ACAD10: variants seen among roughly 807,000 people sequenced by gnomAD.
The protein encoded by ACAD10 is ACAD-10.
ACAD10 carries 112 observed loss-of-function variants against 116.8 expected under a neutral mutation model. That is an observed-to-expected ratio of 0.96 (90% confidence interval 0.82 to 1.12). ACAD10 has a LOEUF of 1.12. Among genes scored for constraint, ACAD10 ranks in the 50% most tolerant of loss-of-function variants. The pLI, the probability that ACAD10 is intolerant of heterozygous loss-of-function variation, is 0.00. For missense variants in ACAD10, 1,259 were observed against 1,350.2 expected, an observed-to-expected ratio of 0.93 and a Z score of 1.06; for synonymous variants, 486 against 510.6, an observed-to-expected ratio of 0.95 and a Z score of 0.65.
At chr12:111,711,468 C>G (rs1888683882) in intron 5 of ACAD10, among the ~76,000 whole-genome samples, 1 of 152,024 alleles carries the variant, frequency 6.6e-6, no homozygotes, top group Non-Finnish European at 1.5e-5. Context: ...CTCGGCCTCC[C>G]AAAGTACTGG....
rs142874051 is a variant in ACAD10, at chr12:111,697,847, G to C, written c.188-4315G>C. ...GGTCCGCCCGCCTTGGCCTCCCAAA[G>C]TGCTGGGATTATAGGTGTAAGCCAC... On this transcript the variant is annotated intron_variant, in intron 2 of 20. Transcript: ENST00000313698. 6.1e-3 allele frequency among the ~76,000 whole-genome samples: 928 copies of C among 151,658 alleles called. 11 individuals are homozygous for C. The highest frequency in any genetic ancestry group is 0.021 in the African/African-American group (875 of 41,358).
intron 1 of ACAD10, chr12:111,688,248 A>G (rs1887937798): frequency 6.6e-6 from 1 of 152,192 alleles, no homozygotes; most frequent in Non-Finnish European, 1.5e-5. Context: ...TATCATAAAC[A>G]TTGGCCTTGG....
At chr12:111,730,777 C>T (rs1404653723) in intron 10 of ACAD10, among the ~76,000 whole-genome samples, 5 of 145,020 alleles carry the variant, frequency 3.4e-5, no homozygotes, top group Admixed American at 2.1e-4. Flanking sequence ...TTTTAGACAT[C>T]GTCTCACTCA....
At chr12:111,692,565 T>G in intron 1 of ACAD10, 132 bp from the exon 2 acceptor site, 1 of 847,630 alleles carries the variant, frequency 1.2e-6, no homozygotes, top group Non-Finnish European at 1.8e-6. Flanking sequence ...CTGAGGTCAG[T>G]TGTGGGTGTG....
At chr12:111,732,284 A>C (rs1450193860) in intron 10 of ACAD10, among the ~76,000 whole-genome samples, 2 of 152,228 alleles carry the variant, frequency 1.3e-5, no homozygotes, top group African/African-American at 4.8e-5. Flanking sequence ...CTATTTAGTG[A>C]GTAAAATAAA....
chr12:111,704,162 GAC>G (rs1298988104), intron 3 of ACAD10, among the ~76,000 whole-genome samples: 4 of 149,248 alleles, frequency 2.7e-5, no homozygotes, highest in South Asian at 2.1e-4. Context: ...TTTTTTTTGA[GAC>G]ACAGTCTCAC....
Position 111,712,488 on chromosome 12 carries a change from C to G in ACAD10, c.691-10C>G, listed in dbSNP as rs1888713616. ...AAAAATATACATCTACATATTCTCT[C>G]TGAAACCAGGTTAATGACCCAGAGA... On this transcript the variant is annotated splice_polypyrimidine_tract_variant and intron_variant, in intron 5 of 20. Coordinates refer to ENST00000313698, the MANE Select transcript of ACAD10 (RefSeq NM_025247.6). 1.2e-6 allele frequency: 2 copies of G among 1,609,210 alleles called. No individual in the cohort carries two copies. The highest frequency in any genetic ancestry group is 1.7e-6 in the Non-Finnish European group (2 of 1,178,046).
intron 19 of ACAD10, among the ~76,000 whole-genome samples, chr12:111,755,452 A>G (rs987177888): frequency 6.6e-6 from 1 of 152,012 alleles, no homozygotes; most frequent in African/African-American, 2.4e-5. Context: ...TCCAGGCTTG[A>G]GTGCAGTGTT....
At chr12:111,721,911 T>G in intron 8 of ACAD10, 172 bp downstream of exon 8, 1 of 467,568 alleles carries the variant, frequency 2.1e-6, no homozygotes, top group Admixed American at 3.7e-5. Flanking sequence ...TCCTGCAAGA[T>G]AAGTATATGC....
intron 2 of ACAD10, among the ~76,000 whole-genome samples, chr12:111,695,978 C>T (rs778506592): frequency 1.3e-4 from 20 of 149,432 alleles, no homozygotes; most frequent in Non-Finnish European, 1.9e-4. Context: ...CATACCATTG[C>T]GCTGCAGCTT....
intron 1 of ACAD10, among the ~76,000 whole-genome samples, chr12:111,689,287 T>C (rs74673332): frequency 0.015 from 2,356 of 152,058 alleles, 68 homozygotes; most frequent in African/African-American, 0.054. Context: ...CCTAAAACAG[T>C]GTAAGTACTG....
At position 111,728,013 on chromosome 12, in the gene ACAD10, CA is replaced by C. The variant is rs1303521238; in HGVS notation, c.1116del (p.Asp373ThrfsTer19). The C allele has an allele frequency of 1.2e-6, 2 of 1,614,054 alleles. No individual in the cohort carries two copies. On this transcript the variant is annotated frameshift_variant, in exon 9 of 21. Transcript: ENST00000313698. LOFTEE classifies it high-confidence loss of function. ...TGGAGTACTGCCCAGGTCTCATCTA[CA>C]AAGACCCTTCCCTGCCAGGCTTGGA... Reference protein sequence around the residue: ...VMEYCPGLIYKDPSLPGLEPS... With the variant: ...VMEYCPGLIYXDPSLPGLEPS...
chr12:111,705,822 G>A lies in ACAD10; in HGVS notation c.421G>A (p.Ala141Thr). Residue 141 changes from alanine to threonine, a missense_variant, in exon 4 of 21, where the codon GCC (alanine) becomes ACC (threonine). Ala to Thr is a moderately conservative substitution (Grantham distance 58). Coordinates refer to ENST00000313698, the MANE Select transcript of ACAD10 (RefSeq NM_025247.6). ...VAKQFPVMTEAITQIRAKGLQ... is the reference protein window; with the variant it reads ...VAKQFPVMTETITQIRAKGLQ... ...AAAGCAGTTCCCAGTGATGACTGAGGCCATAACTCAAATTCGGGCAAAAGG... is the reference window on the plus strand; with the variant it reads ...AAAGCAGTTCCCAGTGATGACTGAGACCATAACTCAAATTCGGGCAAAAGG... The A allele has an allele frequency of 6.2e-7, 1 of 1,614,164 alleles. No individual in the cohort carries two copies. Among genetic ancestry groups the A allele is most frequent in the Non-Finnish European group, 8.5e-7 (1 of 1,180,034 alleles).
At chr12:111,754,552 C>T (rs1243166768) in intron 19 of ACAD10, among the ~76,000 whole-genome samples, 2 of 152,228 alleles carry the variant, frequency 1.3e-5, no homozygotes, top group African/African-American at 2.4e-5. Context: ...CCATGTTGAC[C>T]TTGCTTTGTC....
chr12:111,691,205 G>A (rs573350176), intron 1 of ACAD10: 2 of 152,302 alleles, frequency 1.3e-5, no homozygotes, highest in Admixed American at 1.3e-4. Context: ...ATGTATGTGT[G>A]TTGTGTGTGT....
chr12:111,716,661 C>T (rs1355296506), intron 7 of ACAD10, among the ~76,000 whole-genome samples: 1 of 152,042 alleles, frequency 6.6e-6, no homozygotes, highest in Non-Finnish European at 1.5e-5. Flanking sequence ...TGAAGACCAG[C>T]CTGGACAACA....
intron 12 of ACAD10, among the ~76,000 whole-genome samples, chr12:111,743,018 C>T (rs1375837398): frequency 6.6e-6 from 1 of 152,058 alleles, no homozygotes; most frequent in African/African-American, 2.4e-5. Context: ...AAAATGAAAT[C>T]ATTTAAAAAA....
chr12:111,749,895 C>G (rs1339061428), intron 18 of ACAD10: 2 of 151,510 alleles, frequency 1.3e-5, no homozygotes, highest in African/African-American at 4.9e-5. Context: ...CTGCCTTAGC[C>G]TCCCAAGTAG....
chr12:111,732,533 C>G (rs774575908), intron 10 of ACAD10, among the ~76,000 whole-genome samples: 1 of 152,076 alleles, frequency 6.6e-6, no homozygotes, highest in Admixed American at 6.5e-5. Flanking sequence ...AACAAAAAAG[C>G]ACGTACAATA....
Sources: allele counts gnomAD v4.1 joint callset (sites outside exome capture counted in the v4.1 genomes callset), GRCh38; gene constraint gnomAD v4.1.1; transcripts MANE v1.5; gene names NCBI Gene and HGNC (gene_info 2026-07-23, HGNC 2026-07-21).